The following LYPD8 variants were observed in gnomAD, a reference collection of about 807,000 sequenced individuals.
LYPD8 encodes LY6/PLAUR domain containing 8.
In LYPD8, 8 loss-of-function variants were observed where a neutral mutation model predicts 1.7. The observed-to-expected ratio is 4.58, with a 90% CI of 2.69 to 8.27. The LOEUF is 8.27. Among genes scored for constraint, LYPD8 ranks in the 30% most tolerant of loss-of-function variants. The probability of loss-of-function intolerance (pLI) is 0.00; values close to 1 mark genes in which losing one functional copy is unlikely to be tolerated. For synonymous variants in LYPD8, 50 were observed against 43.6 expected (o/e 1.15, Z -0.58); for missense variants, 112 against 102.3 (o/e 1.09, Z -0.41).
chr1:248,751,012 C>T lies in LYPD8; in HGVS notation c.52+18G>A, dbSNP rs1020756897. On this transcript the variant is annotated intron_variant, in intron 3 of 6. Coordinates refer to ENST00000590317, the MANE Select transcript of LYPD8 (RefSeq NM_001085474.2). ...AGGGGGTCTCCATTCTAAAAAGGGGCCACGTGAGTTCTCTTACCTACAGCT... is the reference window on the plus strand; with the variant it reads ...AGGGGGTCTCCATTCTAAAAAGGGGTCACGTGAGTTCTCTTACCTACAGCT... 4.5e-5 allele frequency: 18 copies of T among 398,564 alleles called. No individual in the cohort carries two copies. The Admixed American group carries it at 4.8e-4, about 11-fold the overall frequency. The allele number at this position is 398,564 out of a possible 1,614,324, so 24.7% of individuals were successfully genotyped here.
At chr1:248,743,298 G>T (rs1257627915) in intron 6 of LYPD8, among the ~76,000 whole-genome samples, 3 of 152,042 alleles carry the variant, frequency 2.0e-5, no homozygotes, top group Admixed American at 1.3e-4. Flanking sequence ...AACCCCATCT[G>T]TACTACAAAT....
intron 3 of LYPD8, 65 bp from the exon 4 acceptor site, chr1:248,750,708 C>A (rs1211929527): frequency 2.5e-6 from 1 of 398,324 alleles, no homozygotes; most frequent in African/African-American, 2.1e-5. Flanking sequence ...ATACTCTACT[C>A]TAGGAAAAGC....
chr1:248,755,126 C>A (rs936668933), intron 2 of LYPD8, 113 bp downstream of exon 2: 6,136 of 152,284 alleles, frequency 0.04, 367 homozygotes, highest in African/African-American at 0.13. Flanking sequence ...CCAGGGNCAC[C>A]TAGCAGAGAA....
intron 2 of LYPD8, among the ~76,000 whole-genome samples, chr1:248,752,852 CCACACCA>C (rs1662835741): frequency 1.2e-4 from 12 of 98,946 alleles, no homozygotes; most frequent in East Asian, 4.2e-4. Flanking sequence ...CACACACACA[CCACACCA>C]CACACACACC....
chr1:248,749,774 T>C (rs1405572921), intron 4 of LYPD8, among the ~76,000 whole-genome samples: 1 of 152,152 alleles, frequency 6.6e-6, no homozygotes, highest in African/African-American at 2.4e-5. Context: ...ATATGATAGT[T>C]ATGTAAAAAA....
chr1:248,753,412 CCACACACCA>C (rs1301185698), intron 2 of LYPD8, among the ~76,000 whole-genome samples: 3 of 108,756 alleles, frequency 2.8e-5, no homozygotes, highest in Middle Eastern at 6.0e-3. Context: ...CACACACACA[CCACACACCA>C]CACACAACAC....
At chr1:248,754,672 T>C (rs1415144887) in intron 2 of LYPD8, among the ~76,000 whole-genome samples, 1 of 152,076 alleles carries the variant, frequency 6.6e-6, no homozygotes, top group African/African-American at 2.4e-5. Flanking sequence ...GGTTGACTTA[T>C]TAGAGATTGG....
chr1:248,749,775 A>T, intron 4 of LYPD8, among the ~76,000 whole-genome samples: 1 of 152,352 alleles, frequency 6.6e-6, no homozygotes, highest in East Asian at 1.9e-4. Context: ...TATGATAGTT[A>T]TGTAAAAAAC....
At chr1:248,741,288 C>G (rs1346821434) in intron 6 of LYPD8, among the ~76,000 whole-genome samples, 2 of 152,302 alleles carry the variant, frequency 1.3e-5, no homozygotes, top group East Asian at 3.9e-4. Context: ...CTCATTGAAG[C>G]CTCTGTCCCC....
At chr1:248,751,349 T>A (rs1662798903) in intron 2 of LYPD8, among the ~76,000 whole-genome samples, 1 of 152,190 alleles carries the variant, frequency 6.6e-6, no homozygotes, top group African/African-American at 2.4e-5. Flanking sequence ...CACGCAGATA[T>A]GAAACACAGC....
intron 6 of LYPD8, among the ~76,000 whole-genome samples, chr1:248,743,487 C>T (rs1020507814): frequency 3.3e-5 from 5 of 152,098 alleles, no homozygotes; most frequent in Non-Finnish European, 5.9e-5. Context: ...AGACAACAAC[C>T]GAAATAAGAG....
intron 2 of LYPD8, among the ~76,000 whole-genome samples, chr1:248,753,542 TCACACAAAAC>T (rs1662869753): frequency 1.2e-4 from 6 of 51,824 alleles, no homozygotes; most frequent in African/African-American, 1.6e-4. Context: ...ACACACCACA[TCACACAAAAC>T]ACATCACACA....
intron 4 of LYPD8, 102 bp from the exon 5 acceptor site, chr1:248,748,555 C>T: frequency 2.5e-6 from 1 of 396,890 alleles, no homozygotes; most frequent in Non-Finnish European, 4.4e-6. Flanking sequence ...GCAGAAAATG[C>T]AACCTCAGTA....
intron 4 of LYPD8, among the ~76,000 whole-genome samples, chr1:248,749,103 A>G (rs1234372944): frequency 1.3e-5 from 2 of 152,212 alleles, no homozygotes; most frequent in African/African-American, 2.4e-5. Flanking sequence ...AGAGCAAGTT[A>G]TATGAAACCA....
At chr1:248,752,859 A>C (rs1449618800) in intron 2 of LYPD8, among the ~76,000 whole-genome samples, 12 of 64,064 alleles carry the variant, frequency 1.9e-4, no homozygotes, top group South Asian at 4.8e-4. Flanking sequence ...ACACCACACC[A>C]CACACACACC....
rs963158863 is a variant in LYPD8, at chr1:248,748,413, C to G, written c.213G>C (p.Ala71=). The G allele has an allele frequency of 2.4e-6, 1 of 424,544 alleles. No homozygotes were observed. Among genetic ancestry groups the G allele is most frequent in the African/African-American group, 2.1e-5 (1 of 48,736 alleles). The allele number at this position is 424,544 out of a possible 1,614,324, so 26.3% of individuals were successfully genotyped here. ...VRLYQNMFCS[A]ENCSEETHIT... ...TGTGTGTCTCCTCACTGCAGTTCTC[C>G]GCTGAGCAGAACATATTCTGGTATA... The change falls in exon 5 of 7, where the codon GCG becomes GCC. Residue 71 remains alanine, a synonymous_variant. Transcript: ENST00000590317.
At chr1:248,741,746 A>T (rs1662604353) in intron 6 of LYPD8, among the ~76,000 whole-genome samples, 1 of 152,246 alleles carries the variant, frequency 6.6e-6, no homozygotes, top group Admixed American at 6.5e-5. Context: ...ATGTTGCCCT[A>T]GGACACAGTT....
intron 4 of LYPD8, among the ~76,000 whole-genome samples, chr1:248,748,713 T>G (rs1317108392): frequency 1.3e-5 from 2 of 152,310 alleles, no homozygotes; most frequent in East Asian, 3.9e-4. Context: ...TGAAAATGGT[T>G]GGTCCAAGTG....
chr1:248,744,598 G>T, intron 6 of LYPD8, among the ~76,000 whole-genome samples: 1 of 139,100 alleles, frequency 7.2e-6, no homozygotes, highest in African/African-American at 3.1e-5. Context: ...CTCACAATGG[G>T]TAGCGTCAAA....
Sources: gnomAD v4.1 joint callset for allele counts (sites outside exome capture counted in the v4.1 genomes callset) on GRCh38, gnomAD v4.1.1 for gene constraint, MANE v1.5 for transcripts, NCBI Gene and HGNC (gene_info 2026-07-23, HGNC 2026-07-21) for gene names.